Variants in LRMDA observed in about 807,000 individuals in gnomAD.
LRMDA encodes leucine-rich melanocyte differentiation-associated protein.
A neutral mutation model predicts 29.8 loss-of-function variants in LRMDA; 18 were observed. That is an observed-to-expected ratio of 0.60 (90% CI 0.42 to 0.90). The LOEUF (loss-of-function observed/expected upper bound fraction) is 0.90, where lower values mean the gene tolerates loss of function less well. Ranked by LOEUF, LRMDA falls within the 40% of genes least tolerant of loss-of-function variation. The pLI, the probability that LRMDA is intolerant of heterozygous loss-of-function variation, is 0.00. For missense variants in LRMDA, 273 were observed against 273.9 expected, an observed-to-expected ratio of 1.00 and a Z score of 0.02; for synonymous variants, 125 against 109.4, an observed-to-expected ratio of 1.14 and a Z score of -0.89.
At chr10:75,847,915 G>A (rs1844668084) in intron 2 of LRMDA, among the ~76,000 whole-genome samples, 1 of 152,186 alleles carries the variant, frequency 6.6e-6, no homozygotes, top group African/African-American at 2.4e-5. Context: ...AAAGTAACCT[G>A]TACTGCTAAG....
chr10:76,110,780 G>GT (rs1472954015), intron 5 of LRMDA, among the ~76,000 whole-genome samples: 2 of 152,114 alleles, frequency 1.3e-5, no homozygotes, highest in Non-Finnish European at 2.9e-5. Flanking sequence ...ATGTGGAACT[G>GT]TAAGTCGAAT....
intron 6 of LRMDA, among the ~76,000 whole-genome samples, chr10:76,457,464 A>G (rs1842468314): frequency 6.6e-6 from 1 of 151,950 alleles, no homozygotes; most frequent in Non-Finnish European, 1.5e-5. Flanking sequence ...CTGTATGCAA[A>G]TGTCTTTCCA....
rs368284049 is a variant in LRMDA, at chr10:75,854,848, G to A, written c.132-181160G>A. 2.8e-4 allele frequency among the ~76,000 whole-genome samples: 42 copies of A among 152,140 alleles called. No homozygotes were observed. The South Asian group carries it at 8.5e-3, about 31-fold the overall frequency. ...TTTTTCGTTCTTGTGATAGTTTGCT[G>A]AGAATGATGGTTTCCAGCTTCATCC... On this transcript the variant is annotated intron_variant, in intron 2 of 6. Transcript: ENST00000611255.
chr10:75,829,774 A>C (rs1844307670), intron 2 of LRMDA, among the ~76,000 whole-genome samples: 1 of 150,554 alleles, frequency 6.6e-6, no homozygotes, highest in African/African-American at 2.4e-5. Flanking sequence ...CATGTTCAGC[A>C]CTTGGCCTAC....
rs553986036 is a variant in LRMDA, at chr10:76,043,645, C to T, written c.259-3519C>T. 6.6e-5 allele frequency among the ~76,000 whole-genome samples: 10 copies of T among 152,140 alleles called. No individual in the cohort carries two copies. The South Asian group carries it at 1.2e-3, about 19-fold the overall frequency. ...GCCTATGCAAACAAGAAACCCTTGACGCATGAGCTTTATTAGCTCCATGGT... is the reference window on the plus strand; with the variant it reads ...GCCTATGCAAACAAGAAACCCTTGATGCATGAGCTTTATTAGCTCCATGGT... On this transcript the variant is annotated intron_variant, in intron 3 of 6. Transcript: ENST00000611255.
At chr10:76,494,093 T>C (rs1842859526) in intron 6 of LRMDA, among the ~76,000 whole-genome samples, 2 of 152,128 alleles carry the variant, frequency 1.3e-5, no homozygotes, top group Admixed American at 1.3e-4. Context: ...ATTTTCTGTA[T>C]AGCTGATCAT....
intron 2 of LRMDA, among the ~76,000 whole-genome samples, chr10:75,712,069 T>G (rs543530424): frequency 1.3e-5 from 2 of 152,270 alleles, no homozygotes; most frequent in Admixed American, 1.3e-4. Flanking sequence ...TCCCATAAAC[T>G]GCACTTGACT....
chr10:76,019,871 A>G (rs141581339), intron 2 of LRMDA, among the ~76,000 whole-genome samples: 37 of 152,344 alleles, frequency 2.4e-4, no homozygotes, highest in African/African-American at 7.9e-4. Flanking sequence ...ATCCACACAC[A>G]AAGAGCCTGA....
chr10:75,676,692 C>T (rs1452183322), intron 2 of LRMDA, among the ~76,000 whole-genome samples: 2 of 152,152 alleles, frequency 1.3e-5, no homozygotes, highest in Non-Finnish European at 2.9e-5. Context: ...AGCTTCTTTT[C>T]CAGTTTCTTT....
chr10:75,782,745 A>G, intron 2 of LRMDA: 2 of 1,359,328 alleles, frequency 1.5e-6, no homozygotes, highest in South Asian at 1.7e-5. Flanking sequence ...CTGCAAGCAG[A>G]TGCCCTTTGC....
chr10:76,050,516 C>T (rs1848513285), intron 4 of LRMDA, among the ~76,000 whole-genome samples: 1 of 152,208 alleles, frequency 6.6e-6, no homozygotes, highest in East Asian at 1.9e-4. Context: ...GAGAAATGTC[C>T]ATGGCCCTGT....
chr10:76,055,782 T>G (rs4431971), intron 4 of LRMDA, among the ~76,000 whole-genome samples: 56,347 of 152,170 alleles, frequency 0.37, 11,760 homozygotes, highest in Non-Finnish European at 0.46. Context: ...CAGCTTCCAC[T>G]GCAGGCACTG....
At chr10:75,715,424 A>T (rs1362914540) in intron 2 of LRMDA, among the ~76,000 whole-genome samples, 1 of 152,180 alleles carries the variant, frequency 6.6e-6, no homozygotes, top group African/African-American at 2.4e-5. Flanking sequence ...CCCACCACTA[A>T]CATTTTGTTG....
At chr10:76,480,630 C>G (rs1406267451) in intron 6 of LRMDA, among the ~76,000 whole-genome samples, 1 of 151,882 alleles carries the variant, frequency 6.6e-6, no homozygotes, top group Non-Finnish European at 1.5e-5. Flanking sequence ...TCCTTGCCTC[C>G]CTTTGGTCAG....
rs146366001 is a variant in LRMDA, at chr10:75,718,490, T to C, written c.131+279996T>C. ...TCATCATCAGTGGGTTAGGGATAGATACTCTGGTGGTAGGAAGTACAAACT... is the reference window on the plus strand; with the variant it reads ...TCATCATCAGTGGGTTAGGGATAGACACTCTGGTGGTAGGAAGTACAAACT... On this transcript the variant is annotated intron_variant, in intron 2 of 6. Transcript: ENST00000611255. Among the ~76,000 whole-genome samples, 1,288 of 152,332 alleles carry C rather than the reference T, an allele frequency of 8.5e-3. 16 individuals carry two copies. Among genetic ancestry groups the C allele is most frequent in the African/African-American group, 0.03 (1,232 of 41,568 alleles).
intron 6 of LRMDA, among the ~76,000 whole-genome samples, chr10:76,392,977 A>G (rs890760294): frequency 5.3e-5 from 8 of 152,234 alleles, no homozygotes; most frequent in Admixed American, 5.2e-4. Flanking sequence ...ACTAAACATA[A>G]TCTCCAGGTT....
chr10:76,462,944 C>T (rs983306869), intron 6 of LRMDA, among the ~76,000 whole-genome samples: 4 of 152,176 alleles, frequency 2.6e-5, no homozygotes, highest in African/African-American at 7.2e-5. Flanking sequence ...ATTCCTTCTA[C>T]CCAACCGAGG....
rs1554840723 is a variant in LRMDA at position 76,014,128 on chromosome 10, A to ATATATATGTATATAAT, written c.132-21873_132-21872insGTATATAATTATATAT. Among the ~76,000 whole-genome samples the ATATATATGTATATAAT allele has an allele frequency of 3.2e-5, 3 of 94,886 alleles. No individual in the cohort carries two copies. The Admixed American group carries it at 3.8e-4, about 12-fold the overall frequency. 62.2% of individuals were successfully genotyped at this position (94,886 alleles called of 152,430 possible). ...AAAGTATATATATATATATATAATT[A>ATATATATGTATATAAT]TATATATATATATATAATTATATAT... On this transcript the variant is annotated intron_variant, in intron 2 of 6. Transcript: ENST00000611255.
At chr10:75,642,076 A>G (rs1362599866) in intron 2 of LRMDA, among the ~76,000 whole-genome samples, 1 of 152,208 alleles carries the variant, frequency 6.6e-6, no homozygotes, top group East Asian at 1.9e-4. Context: ...AAAGACCATT[A>G]CGTTGGGTTC....
Sources: gnomAD v4.1 joint callset for allele counts (sites outside exome capture counted in the v4.1 genomes callset) on GRCh38, gnomAD v4.1.1 for gene constraint, MANE v1.5 for transcripts, NCBI Gene and HGNC (gene_info 2026-07-23, HGNC 2026-07-21) for gene names.